Variants in NODAL observed in about 807,000 individuals in gnomAD.
NODAL encodes nodal homolog.
Under a neutral mutation model 34.0 loss-of-function variants are expected in NODAL, and 12 were observed. That is an observed-to-expected ratio of 0.35 (90% confidence interval 0.23 to 0.57). The LOEUF (loss-of-function observed/expected upper bound fraction) is 0.57. Among genes scored for constraint, NODAL ranks in the 20% least tolerant of loss-of-function variants. NODAL has a pLI of 0.83. For synonymous variants in NODAL, 162 were observed against 186.4 expected, an observed-to-expected ratio of 0.87 and a Z score of 1.07; for missense variants, 390 against 444.2, an observed-to-expected ratio of 0.88 and a Z score of 1.10.
chr10:70,432,820 C>T lies in NODAL; in HGVS notation c.*116G>A. The stretch of plus-strand genomic sequence containing the variant: ...GCCCCTCCTCTTCAGTTCTGGTGGG[C>T]AGAGCAACTTTGCCCCTCTCTGTTT... On this transcript the variant is annotated 3_prime_UTR_variant, in exon 3 of 3. Coordinates refer to ENST00000287139, the MANE Select transcript of NODAL (RefSeq NM_018055.5). 8.0e-7 allele frequency: 1 copy of T among 1,243,962 alleles called. No individual in the cohort carries two copies. The allele number at this position is 1,243,962 out of a possible 1,614,324, so 77.1% of individuals were successfully genotyped here.
Position 70,435,656 on chromosome 10 carries a change from G to T in NODAL, c.521C>A (p.Ser174Tyr), listed in dbSNP as rs897603247. The T allele has an allele frequency of 1.2e-6, 2 of 1,614,064 alleles. No homozygotes were observed. The highest frequency in any genetic ancestry group is 1.7e-6 in the Non-Finnish European group (2 of 1,179,988). The change falls in exon 2 of 3, where the codon TCC (serine) becomes TAC (tyrosine). Residue 174 changes from serine (S) to tyrosine (Y), a missense_variant. By Grantham distance (144) the Ser-to-Tyr change is moderately radical (BLOSUM62 -2). Transcript: ENST00000287139. Reference protein sequence around the residue: ...KHPGALEKQMSRVAGECWPRP... With the variant: ...KHPGALEKQMYRVAGECWPRP... ...CGGCCAGCACTCTCCAGCTACCCTG[G>T]ACATCTGCTTCTCCAGGGCCCCAGG...
upstream of NODAL, chr10:70,441,749 C>A: frequency 7.0e-7 from 1 of 1,423,600 alleles, no homozygotes; most frequent in African/African-American, 1.4e-5. Flanking sequence ...CACCTTTCCT[C>A]CCTCTGGGGA....
In NODAL at chr10:70,432,990, T is replaced by C. The variant is rs1338850636; in HGVS notation, c.990A>G (p.Arg330=). ...TGTCTTTATGGTGATCTAGGAGCAC[T>C]CTGCCATTATCCACATACAGCATGC... is the stretch of plus-strand genomic sequence containing the variant. ...PLSMLYVDNG[R]VLLDHHKDMI... Residue 330 remains arginine, a synonymous_variant, in exon 3 of 3, where the codon AGA becomes AGG. Coordinates refer to ENST00000287139, the MANE Select transcript of NODAL (RefSeq NM_018055.5). 3 of 1,614,016 alleles carry C rather than the reference T, an allele frequency of 1.9e-6. No individual in the cohort carries two copies. The highest frequency in any genetic ancestry group is 2.5e-6 in the Non-Finnish European group (3 of 1,180,044).
chr10:70,432,154 C>G lies in NODAL; in HGVS notation c.*782G>C, dbSNP rs750008296. ...GGAAGCTCAGAGGCCTCATTAATAG[C>G]ACACATTGAGAGACTGAGGTGGATT... On this transcript the variant is annotated 3_prime_UTR_variant, in exon 3 of 3. Transcript: ENST00000287139. 5.9e-5 allele frequency among the ~76,000 whole-genome samples: 9 copies of G among 152,254 alleles called. No individual in the cohort carries two copies. Among genetic ancestry groups the G allele is most frequent in the Non-Finnish European group, 1.3e-4 (9 of 68,054 alleles).
At chr10:70,444,325 G>A (rs958964828), upstream of NODAL, among the ~76,000 whole-genome samples, 1 of 105,578 alleles carries the variant, frequency 9.5e-6, no homozygotes, top group Non-Finnish European at 1.9e-5. Context: ...GCACTCCAGT[G>A]ATACTTTTTT....
chr10:70,434,698 C>T (rs1006537147), intron 2 of NODAL: 1 of 155,236 alleles, frequency 6.4e-6, no homozygotes, highest in Admixed American at 6.3e-5. Context: ...GTAGTCAATT[C>T]TCAACCAAAA....
At chr10:70,445,148 TGCTCA>T (rs1287043918), upstream of NODAL, among the ~76,000 whole-genome samples, 3 of 152,068 alleles carry the variant, frequency 2.0e-5, no homozygotes, top group Non-Finnish European at 4.4e-5. Flanking sequence ...TGTTTAAACA[TGCTCA>T]GCTCAGCTCA....
intron 2 of NODAL, chr10:70,434,911 C>T (rs920722916): frequency 6.3e-5 from 17 of 268,058 alleles, no homozygotes; most frequent in African/African-American, 3.5e-4. Context: ...CAGTATCACA[C>T]AGCTAATGAG....
At position 70,435,714 on chromosome 10, in the gene NODAL, C is replaced by T. The variant is rs1845341764; in HGVS notation, c.463G>A (p.Val155Met). 1 of 1,614,070 alleles carries T rather than the reference C, an allele frequency of 6.2e-7. No individual in the cohort carries two copies. Among genetic ancestry groups the T allele is most frequent in the Admixed American group, 1.7e-5 (1 of 60,010 alleles). The change falls in exon 2 of 3, where the codon GTG (valine) becomes ATG (methionine). Residue 155 changes from valine to methionine, a missense_variant. Physicochemically the swap from Val to Met is conservative, Grantham distance 21. Transcript: ENST00000287139. ...AGCCACTTGGAGAGAGGCCTGGTCA[C>T]CTCCAAAACCATGCTGCCCAAGGAA... ...TFSLGSMVLE[V>M]TRPLSKWLKH...
At chr10:70,442,060 A>C (rs1845438561), upstream of NODAL, among the ~76,000 whole-genome samples, 1 of 152,170 alleles carries the variant, frequency 6.6e-6, no homozygotes, top group Non-Finnish European at 1.5e-5. Flanking sequence ...CTCTCCACTC[A>C]GGCTGCAAAT....
Position 70,435,798 on chromosome 10 carries a change from T to A in NODAL, c.379A>T (p.Ser127Cys). The A allele has an allele frequency of 6.2e-7, 1 of 1,614,176 alleles. No homozygotes were observed. Among genetic ancestry groups the A allele is most frequent in the East Asian group, 2.2e-5 (1 of 44,890 alleles). ...PKPDTEQASDSCLERFQMDLF... is the reference protein window; with the variant it reads ...PKPDTEQASDCCLERFQMDLF... ...TCCATCTGAAACCGCTCTAAGCAGCTGTCTGAAGCCTGCTCTGTGTCGGGC... is the reference window on the plus strand; with the variant it reads ...TCCATCTGAAACCGCTCTAAGCAGCAGTCTGAAGCCTGCTCTGTGTCGGGC... Residue 127 changes from serine (S) to cysteine (C), a missense_variant, in exon 2 of 3, where the codon AGC (serine) becomes TGC (cysteine). Coordinates refer to ENST00000287139, the MANE Select transcript of NODAL (RefSeq NM_018055.5).
chr10:70,432,788 G>T lies in NODAL; in HGVS notation c.*148C>A. 1.2e-6 allele frequency: 1 copy of T among 868,004 alleles called. No individual in the cohort carries two copies. Among genetic ancestry groups the T allele is most frequent in the Non-Finnish European group, 1.9e-6 (1 of 529,234 alleles). 53.8% of individuals were successfully genotyped at this position (868,004 alleles called of 1,614,324 possible). ...CTCCACTGAGCCCTTCATTTACAGA[G>T]TGGGCAGCCCCTCCTCTTCAGTTCT... On this transcript the variant is annotated 3_prime_UTR_variant, in exon 3 of 3. Transcript: ENST00000287139.
intron 1 of NODAL, among the ~76,000 whole-genome samples, chr10:70,438,250 C>T (rs753614265): frequency 3.4e-4 from 51 of 152,226 alleles, no homozygotes; most frequent in Middle Eastern, 3.4e-3. Flanking sequence ...GCTGAGATTG[C>T]GCCATTGCAC....
At position 70,446,889 on chromosome 10, in the gene NODAL, T is replaced by C. The variant is rs114344145; in HGVS notation, c.28+1035A>G. ...GTATTTGCTAAGTGATTGAACCCCATATTCCCAAAGCAGGGCCCCCAAACA... is the reference window on the plus strand; with the variant it reads ...GTATTTGCTAAGTGATTGAACCCCACATTCCCAAAGCAGGGCCCCCAAACA... On this transcript the variant is annotated intron_variant, in intron 1 of 2. Transcript: ENST00000414871. Among the ~76,000 whole-genome samples the C allele has an allele frequency of 4.6e-3, 697 of 152,168 alleles. 4 individuals are homozygous for C. The highest frequency in any genetic ancestry group is 0.016 in the African/African-American group (663 of 41,532).
chr10:70,440,627 C>T (rs1355910187), intron 1 of NODAL, among the ~76,000 whole-genome samples: 1 of 152,204 alleles, frequency 6.6e-6, no homozygotes, highest in African/African-American at 2.4e-5. Flanking sequence ...GGAAGGGGCT[C>T]CCTCTCCGCA....
At chr10:70,436,642 G>A (rs1283479018) in intron 1 of NODAL, 1 of 153,218 alleles carries the variant, frequency 6.5e-6, no homozygotes, top group Non-Finnish European at 1.4e-5. Context: ...AGAGCTCTCA[G>A]GGAGCCACAG....
At chr10:70,437,163 C>T (rs1319955345) in intron 1 of NODAL, among the ~76,000 whole-genome samples, 1 of 152,194 alleles carries the variant, frequency 6.6e-6, no homozygotes, top group Non-Finnish European at 1.5e-5. Flanking sequence ...AATAGTGATG[C>T]CGGGCGCGGT....
At position 70,435,371 on chromosome 10, in the gene NODAL, T is replaced by C. The variant is rs1334528949; in HGVS notation, c.806A>G (p.Lys269Arg). The change falls in exon 2 of 3, where the codon AAG (lysine) becomes AGG (arginine). Residue 269 changes from lysine (K) to arginine (R), a missense_variant. Transcript: ENST00000287139. ...CTCACAGCGATAGGCGTTGTACTGCTTGGGGTAGATGATCCAGGAGCCCCA... is the reference window on the plus strand; with the variant it reads ...CTCACAGCGATAGGCGTTGTACTGCCTGGGGTAGATGATCCAGGAGCCCCA... ...IGWGSWIIYPKQYNAYRCEGE... is the reference protein window; with the variant it reads ...IGWGSWIIYPRQYNAYRCEGE... 3 of 1,614,052 alleles carry C rather than the reference T, an allele frequency of 1.9e-6. No homozygotes were observed. The African/African-American group carries it at 4.0e-5, about 22-fold the overall frequency.
intron 2 of NODAL, among the ~76,000 whole-genome samples, chr10:70,433,514 A>G (rs1042029576): frequency 1.3e-5 from 2 of 152,046 alleles, no homozygotes; most frequent in African/African-American, 2.4e-5. Context: ...TCCTGGGCTC[A>G]GGTGATCCTC....
Sources: gnomAD v4.1 joint callset for allele counts (sites outside exome capture counted in the v4.1 genomes callset) on GRCh38, gnomAD v4.1.1 for gene constraint, MANE v1.5 for transcripts, NCBI Gene and HGNC (gene_info 2026-07-23, HGNC 2026-07-21) for gene names.